IL1RAPL2: variants seen among roughly 807,000 people sequenced by gnomAD.
IL1RAPL2 encodes interleukin 1 receptor accessory protein like 2.
IL1RAPL2 carries 3 observed loss-of-function variants against 44.1 expected under a neutral mutation model. The observed-to-expected ratio is 0.07, with a 90% CI of 0.03 to 0.18. The LOEUF is 0.18. Ranked by LOEUF, IL1RAPL2 falls within the 10% of genes least tolerant of loss-of-function variation. The pLI is 1.00. For synonymous variants in IL1RAPL2, 181 were observed against 178.8 expected, an observed-to-expected ratio of 1.01 and a Z score of -0.10; for missense variants, 391 against 496.4, an observed-to-expected ratio of 0.79 and a Z score of 2.02.
chrX:105,124,920 CTCCTTTCTTTCCCTCCTTTCTT>C (rs1293473394), intron 2 of IL1RAPL2, among the ~76,000 whole-genome samples: 2 of 110,250 alleles, frequency 1.8e-5, no homozygotes, highest in Non-Finnish European at 3.8e-5. Flanking sequence ...CATTTTCTTT[CTCCTTTCTTTCCCTCCTTTCTT>C]TTCTTTCTTT....
chrX:105,487,095 A>C (rs1355289548), intron 6 of IL1RAPL2, among the ~76,000 whole-genome samples: 1 of 107,666 alleles, frequency 9.3e-6, no homozygotes, highest in Non-Finnish European at 1.9e-5. Flanking sequence ...CCATCTCAAA[A>C]AAAAAAAAAA....
intron 6 of IL1RAPL2, among the ~76,000 whole-genome samples, chrX:105,716,577 A>G (rs189446271): frequency 1.4e-3 from 151 of 111,556 alleles, no homozygotes; most frequent in African/African-American, 4.7e-3. Flanking sequence ...TCAAATACCA[A>G]TCTTTCCTGG....
At chrX:104,675,063 T>C (rs1424636993) in intron 2 of IL1RAPL2, among the ~76,000 whole-genome samples, 3 of 111,368 alleles carry the variant, frequency 2.7e-5, no homozygotes, top group African/African-American at 9.8e-5. Flanking sequence ...CTGGATTCAT[T>C]AATTTTTTGA....
At chrX:105,758,598 C>G (rs1274906867) in intron 10 of IL1RAPL2, among the ~76,000 whole-genome samples, 1 of 111,705 alleles carries the variant, frequency 9.0e-6, no homozygotes, top group African/African-American at 3.3e-5. Context: ...TTCCTAAATG[C>G]TGAAACTGAG....
In IL1RAPL2 at chrX:105,553,270, T is replaced by C. The variant is rs994552446; in HGVS notation, c.772+68883T>C. Among the ~76,000 whole-genome samples, 4 of 111,953 alleles carry C rather than the reference T, an allele frequency of 3.6e-5. No individual in the cohort carries two copies. The East Asian group carries it at 1.1e-3, about 32-fold the overall frequency. The stretch of plus-strand genomic sequence containing the variant: ...GTTTCAGGAGTTTCTTTGTGATTAG[T>C]TGGCAGCGGCTTTGAAGCAGAGAGC... On this transcript the variant is annotated intron_variant, in intron 6 of 10. Coordinates refer to ENST00000372582, the MANE Select transcript of IL1RAPL2 (RefSeq NM_017416.2).
intron 6 of IL1RAPL2, among the ~76,000 whole-genome samples, chrX:105,591,192 A>G (rs1177276547): frequency 9.6e-6 from 1 of 104,528 alleles, no homozygotes; most frequent in East Asian, 3.0e-4. Flanking sequence ...TTTCCACTTT[A>G]TGTGCATAGA....
chrX:105,174,175 C>A (rs1049145626), intron 2 of IL1RAPL2, among the ~76,000 whole-genome samples: 5 of 111,222 alleles, frequency 4.5e-5, no homozygotes, highest in African/African-American at 1.6e-4. Context: ...ACCCCATTAA[C>A]AAATCTCCCT....
chrX:105,650,359 G>A (rs937249953), intron 6 of IL1RAPL2, among the ~76,000 whole-genome samples: 7 of 111,742 alleles, frequency 6.3e-5, no homozygotes, highest in South Asian at 3.7e-4. Context: ...CTTTCACAGC[G>A]TGGTTGAGTT....
intron 2 of IL1RAPL2, among the ~76,000 whole-genome samples, chrX:104,785,580 TTGCATC>T (rs1932794180): frequency 9.0e-6 from 1 of 111,526 alleles, no homozygotes; most frequent in Admixed American, 9.5e-5. Context: ...TTTTCTGACC[TTGCATC>T]TGCCTTCAGT....
At chrX:104,586,955 A>T (rs1928574541) in intron 1 of IL1RAPL2, among the ~76,000 whole-genome samples, 1 of 111,589 alleles carries the variant, frequency 9.0e-6, no homozygotes, top group Non-Finnish European at 1.9e-5. Context: ...AGGTTGCTGA[A>T]AAACAGCTCC....
intron 4 of IL1RAPL2, among the ~76,000 whole-genome samples, chrX:105,236,749 A>G (rs1389332514): frequency 8.0e-5 from 9 of 112,320 alleles, no homozygotes; most frequent in African/African-American, 2.3e-4. Context: ...ATGTACCAAC[A>G]TATTAGGAAA....
At chrX:105,539,103 G>C (rs899291670) in intron 6 of IL1RAPL2, among the ~76,000 whole-genome samples, 1 of 110,833 alleles carries the variant, frequency 9.0e-6, no homozygotes, top group Non-Finnish European at 1.9e-5. Context: ...CATTAAAACA[G>C]CCATACTCCC....
intron 2 of IL1RAPL2, among the ~76,000 whole-genome samples, chrX:104,838,839 CTTTCTTTCTTTTT>C (rs1921818025): frequency 3.1e-5 from 2 of 63,888 alleles, no homozygotes; most frequent in African/African-American, 6.8e-5. Flanking sequence ...TTCTTTCTTT[CTTTCTTTCTTTTT>C]TTTTTTTTTT....
At chrX:105,718,936 C>T (rs1434902648) in intron 7 of IL1RAPL2, among the ~76,000 whole-genome samples, 1 of 110,854 alleles carries the variant, frequency 9.0e-6, no homozygotes, top group African/African-American at 3.3e-5. Flanking sequence ...GCCTGGGTGA[C>T]AGAGCAAGAC....
chrX:104,633,155 A>G (rs1569285430), intron 1 of IL1RAPL2, among the ~76,000 whole-genome samples: 1 of 111,422 alleles, frequency 9.0e-6, no homozygotes, highest in Non-Finnish European at 1.9e-5. Context: ...ATTGTTTTGC[A>G]TATGTTGAAC....
intron 2 of IL1RAPL2, among the ~76,000 whole-genome samples, chrX:105,007,210 G>A (rs6616558): frequency 0.46 from 50,888 of 110,262 alleles, 9,272 homozygotes; most frequent in East Asian, 0.75. Context: ...GAGGTGCTCA[G>A]TTATTTATTG....
chrX:104,793,087 G>C (rs1357162944), intron 2 of IL1RAPL2, among the ~76,000 whole-genome samples: 2 of 112,274 alleles, frequency 1.8e-5, no homozygotes, highest in Admixed American at 1.9e-4. Flanking sequence ...GGGGAACTGA[G>C]GTCACGACAA....
intron 2 of IL1RAPL2, among the ~76,000 whole-genome samples, chrX:104,860,665 A>G (rs1228828970): frequency 9.0e-6 from 1 of 111,146 alleles, no homozygotes; most frequent in Non-Finnish European, 1.9e-5. Context: ...AAATACTCCA[A>G]TGAGTATTTC....
intron 5 of IL1RAPL2, among the ~76,000 whole-genome samples, chrX:105,392,729 T>G (rs1417499832): frequency 1.8e-5 from 2 of 112,001 alleles, no homozygotes; most frequent in Non-Finnish European, 3.8e-5. Flanking sequence ...ATTCTCAAAT[T>G]CAGGTATGGA....
Sources: allele counts gnomAD v4.1 joint callset (sites outside exome capture counted in the v4.1 genomes callset), GRCh38; gene constraint gnomAD v4.1.1; transcripts MANE v1.5; gene names NCBI Gene and HGNC (gene_info 2026-07-23, HGNC 2026-07-21).